UBE2F: variants seen among roughly 807,000 people sequenced by gnomAD.
UBE2F encodes NEDD8-conjugating enzyme UBE2F.
Under a neutral mutation model 29.6 loss-of-function variants are expected in UBE2F, and 5 were observed. The observed-to-expected ratio is 0.17, with a 90% confidence interval of 0.09 to 0.36. UBE2F has a LOEUF of 0.36. UBE2F is among the 10% of genes least tolerant of loss of function. The probability of loss-of-function intolerance (pLI) is 1.00; values close to 1 mark genes in which losing one functional copy is unlikely to be tolerated. For synonymous variants in UBE2F, 66 were observed against 81.8 expected (o/e 0.81, Z 1.04); for missense variants, 141 against 228.5 (o/e 0.62, Z 2.47).
intron 4 of UBE2F, among the ~76,000 whole-genome samples, chr2:238,004,802 A>G (rs2063867449): frequency 6.6e-6 from 1 of 152,060 alleles, no homozygotes; most frequent in Non-Finnish European, 1.5e-5. Flanking sequence ...AGGGAGAGAG[A>G]AGCAGTTAGA....
chr2:238,009,869 T>C (rs1005231260), intron 4 of UBE2F, among the ~76,000 whole-genome samples: 2 of 152,230 alleles, frequency 1.3e-5, no homozygotes, highest in African/African-American at 4.8e-5. Context: ...AAGTCTTATA[T>C]TACTCTTTGA....
At chr2:238,027,657 G>A (rs2064463768) in intron 6 of UBE2F, among the ~76,000 whole-genome samples, 1 of 152,192 alleles carries the variant, frequency 6.6e-6, no homozygotes, top group Non-Finnish European at 1.5e-5. Flanking sequence ...GAAATAATGT[G>A]CCAGATTGAT....
rs1452842564 is a variant in UBE2F at position 238,040,752 on chromosome 2, G to T, written c.508-536G>T. Among the ~76,000 whole-genome samples, 1 of 152,092 alleles carries T rather than the reference G, an allele frequency of 6.6e-6. No homozygotes were observed. The highest frequency in any genetic ancestry group is 2.4e-5 in the African/African-American group (1 of 41,402). On this transcript the variant is annotated intron_variant, in intron 9 of 9. Coordinates refer to ENST00000272930, the MANE Select transcript of UBE2F (RefSeq NM_080678.3). This position sits in a 1 kb window ranked among gnomAD's most constrained non-coding sequence, Gnocchi z 4.4. Reference sequence around the variant, plus strand: ...ACCTTCATTTCAATGCATGAGGATGGAGCTCTGTGGCACACCCAGCTCTCT... The same window carrying T: ...ACCTTCATTTCAATGCATGAGGATGTAGCTCTGTGGCACACCCAGCTCTCT...
chr2:238,023,427 G>A (rs908460905), intron 5 of UBE2F, among the ~76,000 whole-genome samples: 3 of 152,178 alleles, frequency 2.0e-5, no homozygotes, highest in African/African-American at 4.8e-5. Flanking sequence ...TACTGATTTT[G>A]TGGTATTTTG....
rs568206744 is a variant in UBE2F at position 238,026,419 on chromosome 2, A to G, written c.353+1007A>G. Among the ~76,000 whole-genome samples, 4 of 152,190 alleles carry G rather than the reference A, an allele frequency of 2.6e-5. No homozygotes were observed. In the South Asian group the frequency reaches 8.3e-4, roughly 32 times the overall value. ...AATGTGTAAACTGTGGCTGCTGGAA[A>G]TCTTACCTCAGGATCCCTTTCTCTT... On this transcript the variant is annotated intron_variant, in intron 6 of 9. Transcript: ENST00000272930.
intron 1 of UBE2F, among the ~76,000 whole-genome samples, chr2:237,972,173 T>C (rs1001719845): frequency 1.3e-5 from 2 of 152,146 alleles, no homozygotes; most frequent in Non-Finnish European, 2.9e-5. Context: ...AAAACACAAA[T>C]GTAAGTAAAT....
chr2:238,001,724 G>A (rs1193861939), intron 4 of UBE2F, among the ~76,000 whole-genome samples: 2 of 152,046 alleles, frequency 1.3e-5, no homozygotes, highest in African/African-American at 4.8e-5. Context: ...GGAGGCTGAG[G>A]CAGGAGAATG....
intron 2 of UBE2F, among the ~76,000 whole-genome samples, chr2:237,980,396 G>A (rs991326739): frequency 6.6e-6 from 1 of 152,228 alleles, no homozygotes. Context: ...TTCCTGGCTT[G>A]CAGATGGCCT....
At chr2:238,032,925 C>CA (rs1319097341) in intron 8 of UBE2F, among the ~76,000 whole-genome samples, 3 of 152,150 alleles carry the variant, frequency 2.0e-5, no homozygotes, top group Non-Finnish European at 4.4e-5. Flanking sequence ...GCAGGGGCCA[C>CA]AGCAGTCTCA....
Position 237,971,834 on chromosome 2 carries a change from T to A in UBE2F, c.-16-1258T>A, listed in dbSNP as rs930550602. On this transcript the variant is annotated intron_variant, in intron 1 of 9. Transcript: ENST00000272930. ...TTCATTAATTGTAACAAATGTACCC[T>A]CTGGTGGGAGATGTTGGTAATAGGG... is the stretch of plus-strand genomic sequence containing the variant. Among the ~76,000 whole-genome samples, 9 of 152,340 alleles carry A rather than the reference T, an allele frequency of 5.9e-5. No homozygotes were observed. The East Asian group carries it at 1.5e-3, about 26-fold the overall frequency.
rs59213280 is a variant in UBE2F at position 237,987,852 on chromosome 2, C to CATTTTTTTT, written c.119-111_119-110insATTTTTTTT. ...TAGACCAGGTTTTATTCAGTTCATCCTTTTTTTTTTTTTTTTGATTCAGTG... is the reference window on the plus strand; with the variant it reads ...TAGACCAGGTTTTATTCAGTTCATCCATTTTTTTTTTTTTTTTTTTTTTTTGATTCAGTG... On this transcript the variant is annotated intron_variant, in intron 2 of 9. Transcript: ENST00000272930. The CATTTTTTTT allele has an allele frequency of 3.8e-5, 20 of 519,888 alleles. 2 individuals carry two copies. The highest frequency in any genetic ancestry group is 1.9e-4 in the African/African-American group (9 of 46,574). 32.2% of individuals were successfully genotyped at this position (519,888 alleles called of 1,614,324 possible).
chr2:237,968,882 A>G (rs983640453), intron 1 of UBE2F: 17 of 982,790 alleles, frequency 1.7e-5, no homozygotes, highest in Non-Finnish European at 1.2e-6. Flanking sequence ...CATATTGAAG[A>G]AGGAAAAGAA....
At position 237,967,085 on chromosome 2, in the gene UBE2F, G is replaced by T; in HGVS notation, c.-64G>T. 7.4e-7 allele frequency: 1 copy of T among 1,348,562 alleles called. No individual in the cohort carries two copies. The highest frequency in any genetic ancestry group is 3.2e-5 in the Admixed American group (1 of 31,038). The allele number at this position is 1,348,562 out of a possible 1,614,324, so 83.5% of individuals were successfully genotyped here. Reference sequence around the variant, plus strand: ...GTCTCGCAGCAGCCGCCCGGACCGGGCATGGTGTTGGGCGCCGGGCCCGCC... The same window carrying T: ...GTCTCGCAGCAGCCGCCCGGACCGGTCATGGTGTTGGGCGCCGGGCCCGCC... On this transcript the variant is annotated 5_prime_UTR_variant, in exon 1 of 10. Coordinates refer to ENST00000272930, the MANE Select transcript of UBE2F (RefSeq NM_080678.3). This position sits in a 1 kb window ranked among gnomAD's most constrained non-coding sequence, Gnocchi z 6.3.
chr2:237,970,630 G>A (rs1321931631), intron 1 of UBE2F, among the ~76,000 whole-genome samples: 1 of 152,214 alleles, frequency 6.6e-6, no homozygotes, highest in Admixed American at 6.5e-5. Flanking sequence ...TAGGGTATGT[G>A]TATGTCCGTG....
intron 2 of UBE2F, among the ~76,000 whole-genome samples, chr2:237,983,018 A>G (rs1182002497): frequency 6.6e-6 from 1 of 152,176 alleles, no homozygotes; most frequent in Non-Finnish European, 1.5e-5. Context: ...ATGTTTTTGT[A>G]GTGACAGAGT....
In UBE2F at chr2:238,016,647, G is replaced by A. The variant is rs372116310; in HGVS notation, c.282+14G>A. Reference sequence around the variant, plus strand: ...TACAACATGGTGGTGAGTAGCCTGCGTTGAGCCTGTTGTTTTACTTCTCGG... The same window carrying A: ...TACAACATGGTGGTGAGTAGCCTGCATTGAGCCTGTTGTTTTACTTCTCGG... On this transcript the variant is annotated intron_variant, in intron 5 of 9. Transcript: ENST00000272930. 17 of 1,600,580 alleles carry A rather than the reference G, an allele frequency of 1.1e-5. No individual in the cohort carries two copies. Among genetic ancestry groups the A allele is most frequent in the African/African-American group, 8.1e-5 (6 of 74,092 alleles).
At chr2:237,998,975 G>A (rs370448533) in intron 4 of UBE2F, among the ~76,000 whole-genome samples, 18 of 152,226 alleles carry the variant, frequency 1.2e-4, no homozygotes, top group African/African-American at 3.9e-4. Flanking sequence ...CTGAATACAA[G>A]TCTTTTGTCA....
intron 6 of UBE2F, among the ~76,000 whole-genome samples, chr2:238,026,587 C>G (rs745631661): frequency 1.1e-4 from 17 of 152,174 alleles, no homozygotes; most frequent in Non-Finnish European, 1.9e-4. Flanking sequence ...GCGCCTACCA[C>G]TACGCCCGGC....
intron 2 of UBE2F, among the ~76,000 whole-genome samples, chr2:237,976,989 A>G (rs193159833): frequency 6.2e-4 from 94 of 152,248 alleles, no homozygotes; most frequent in Admixed American, 1.8e-3. Flanking sequence ...GTAGCAGAAT[A>G]GAAGTGCAAG....
Sources: gnomAD v4.1 joint callset for allele counts (sites outside exome capture counted in the v4.1 genomes callset) on GRCh38, gnomAD v4.1.1 for gene constraint, Gnocchi (gnomAD v3.1) non-coding constraint, MANE v1.5 for transcripts, NCBI Gene and HGNC (gene_info 2026-07-23, HGNC 2026-07-21) for gene names.